CCDC33: variants seen among roughly 807,000 people sequenced by gnomAD.
The protein encoded by CCDC33 is coiled-coil domain-containing protein 33.
In CCDC33, 94 loss-of-function variants were observed where a neutral mutation model predicts 91.9. The observed-to-expected ratio is 1.02, with a 90% CI of 0.87 to 1.21. The LOEUF (loss-of-function observed/expected upper bound fraction) is 1.21. CCDC33 is among the 50% of genes most tolerant of loss of function. The pLI is 0.00. For missense variants in CCDC33, 940 were observed against 935.5 expected (o/e 1.00, Z -0.06); for synonymous variants, 396 against 374.5 (o/e 1.06, Z -0.66).
intron 2 of CCDC33, among the ~76,000 whole-genome samples, chr15:74,221,737 G>A (rs968563086): frequency 6.6e-6 from 1 of 152,164 alleles, no homozygotes; most frequent in African/African-American, 2.4e-5. Flanking sequence ...GGGCTGCAGA[G>A]GGAATTTACC....
chr15:74,246,707 A>C (rs1319153030), intron 2 of CCDC33, among the ~76,000 whole-genome samples: 1 of 152,214 alleles, frequency 6.6e-6, no homozygotes, highest in Admixed American at 6.5e-5. Flanking sequence ...ACGCTTGTAC[A>C]CTGTTGGTGG....
chr15:74,335,592 C>G (rs542193567), intron 18 of CCDC33: 12 of 353,456 alleles, frequency 3.4e-5, no homozygotes, highest in Admixed American at 2.1e-4. Context: ...CCGCCCAGCC[C>G]CGCAAAGCAA....
At chr15:74,228,268 T>TCAATCCTTCTCTGCCCC (rs1344509386) in intron 2 of CCDC33, among the ~76,000 whole-genome samples, 12 of 152,228 alleles carry the variant, frequency 7.9e-5, no homozygotes, top group African/African-American at 2.9e-4. Flanking sequence ...GGCTCTGGTT[T>TCAATCCTTCTCTGCCCC]CAATCCTTCT....
chr15:74,222,515 T>G (rs906878723), intron 2 of CCDC33, among the ~76,000 whole-genome samples: 4 of 131,310 alleles, frequency 3.0e-5, no homozygotes, highest in Admixed American at 9.2e-5. Context: ...CAAGGTTGTT[T>G]TTTTTTTCTT....
chr15:74,260,173 C>T (rs773267243), intron 2 of CCDC33, among the ~76,000 whole-genome samples: 1 of 152,160 alleles, frequency 6.6e-6, no homozygotes, highest in African/African-American at 2.4e-5. Context: ...ATGGGAGGTA[C>T]TTAGATTGCA....
At chr15:74,273,470 T>TA (rs1295995728) in intron 7 of CCDC33, among the ~76,000 whole-genome samples, 1 of 152,244 alleles carries the variant, frequency 6.6e-6, no homozygotes, top group Non-Finnish European at 1.5e-5. Context: ...TTTAACCCAG[T>TA]AAAAAAATTT....
rs2075453573 is a variant in CCDC33, at chr15:74,244,437, G to C, written c.185+289G>C. Among the ~76,000 whole-genome samples the C allele has an allele frequency of 6.6e-6, 1 of 152,060 alleles. No homozygotes were observed. The highest frequency in any genetic ancestry group is 1.5e-5 in the Non-Finnish European group (1 of 67,990). Reference sequence around the variant, plus strand: ...TCAGCTCCAGTGGGGCAGGTTCCTTGTATGCAAAAGTCTGGGCTGGGCTCA... The same window carrying C: ...TCAGCTCCAGTGGGGCAGGTTCCTTCTATGCAAAAGTCTGGGCTGGGCTCA... On this transcript the variant is annotated intron_variant, in intron 2 of 18. Transcript: ENST00000398814. This position sits in a 1 kb window ranked among gnomAD's most constrained non-coding sequence, Gnocchi z 4.2.
intron 2 of CCDC33, among the ~76,000 whole-genome samples, chr15:74,255,800 A>G (rs1308044415): frequency 6.6e-6 from 1 of 151,964 alleles, no homozygotes; most frequent in Non-Finnish European, 1.5e-5. Flanking sequence ...CTGCTTCCCC[A>G]CTTTGGGGAC....
intron 11 of CCDC33, among the ~76,000 whole-genome samples, chr15:74,324,052 T>G (rs1452716203): frequency 7.4e-6 from 1 of 134,926 alleles, no homozygotes. Context: ...ATCACACCAC[T>G]GCACTCCAGC....
intron 2 of CCDC33, chr15:74,221,243 T>TC (rs1491121100): frequency 1.5e-5 from 9 of 594,226 alleles, no homozygotes; most frequent in Admixed American, 9.6e-5. Flanking sequence ...TTTTTTTTTT[T>TC]CACCAGAACT....
intron 1 of CCDC33, among the ~76,000 whole-genome samples, chr15:74,239,279 C>G (rs1306562104): frequency 6.6e-6 from 1 of 152,130 alleles, no homozygotes; most frequent in African/African-American, 2.4e-5. Context: ...CCATCTCTCT[C>G]CCCACCAGAA....
At chr15:74,203,180 A>G (rs2074163589) in intron 1 of CCDC33, 24 of 985,054 alleles carry the variant, frequency 2.4e-5, no homozygotes, top group Non-Finnish European at 2.8e-5. Context: ...GTTTCCATGA[A>G]GGAGGCAACA....
intron 10 of CCDC33, 71 bp from the exon 11 acceptor site, chr15:74,295,683 T>A (rs1484212): frequency 7.5e-7 from 1 of 1,327,902 alleles, no homozygotes; most frequent in Non-Finnish European, 1.0e-6. Flanking sequence ...GGGGTGTAGA[T>A]GGTGTGCTTA....
intron 11 of CCDC33, among the ~76,000 whole-genome samples, chr15:74,308,157 C>G (rs1301701337): frequency 6.6e-6 from 1 of 152,158 alleles, no homozygotes; most frequent in Non-Finnish European, 1.5e-5. Context: ...CAAAGCAGGA[C>G]CTTTCAACCC....
At chr15:74,311,225 A>G (rs999958324) in intron 11 of CCDC33, among the ~76,000 whole-genome samples, 1 of 152,084 alleles carries the variant, frequency 6.6e-6, no homozygotes, top group African/African-American at 2.4e-5. Context: ...AGAGCCCCAA[A>G]TGTCCAGACA....
chr15:74,285,007 A>C (rs1175137221), intron 10 of CCDC33, among the ~76,000 whole-genome samples: 1 of 152,204 alleles, frequency 6.6e-6, no homozygotes, highest in Non-Finnish European at 1.5e-5. Flanking sequence ...TCCTGTGGAC[A>C]CTCCAGCTGC....
intron 11 of CCDC33, chr15:74,303,771 C>T (rs8027640): frequency 0.065 from 9,887 of 152,360 alleles, 482 homozygotes; most frequent in East Asian, 0.19. Context: ...CTGCAGGCCC[C>T]GAGCTGGGAG....
At chr15:74,293,004 C>T (rs2059613505) in intron 10 of CCDC33, among the ~76,000 whole-genome samples, 2 of 152,148 alleles carry the variant, frequency 1.3e-5, no homozygotes, top group African/African-American at 2.4e-5. Flanking sequence ...AATCCACATA[C>T]AAGTACCTGG....
rs1051658313 is a variant in CCDC33, at chr15:74,318,205, C to T, written c.1291-11984C>T. On this transcript the variant is annotated intron_variant, in intron 11 of 18. Coordinates refer to ENST00000398814, the MANE Select transcript of CCDC33 (RefSeq NM_025055.5). Reference sequence around the variant, plus strand: ...GGCTCAGTGGGAGAGAAAGGGGAGACAGGGTATGGGGGTAACCAGGAGGCA... The same window carrying T: ...GGCTCAGTGGGAGAGAAAGGGGAGATAGGGTATGGGGGTAACCAGGAGGCA... Among the ~76,000 whole-genome samples, 3 of 150,224 alleles carry T rather than the reference C, an allele frequency of 2.0e-5. No individual in the cohort carries two copies. In the East Asian group the frequency reaches 5.9e-4, roughly 29 times the overall value.
Sources: gnomAD v4.1 joint callset for allele counts (sites outside exome capture counted in the v4.1 genomes callset) on GRCh38, gnomAD v4.1.1 for gene constraint, Gnocchi (gnomAD v3.1) non-coding constraint, MANE v1.5 for transcripts, NCBI Gene and HGNC (gene_info 2026-07-23, HGNC 2026-07-21) for gene names.